NXPE2: variants seen among roughly 807,000 people sequenced by gnomAD.
The protein encoded by NXPE2 is NXPE family member 2.
A neutral mutation model predicts 34.4 loss-of-function variants in NXPE2; 34 were observed. That is an observed-to-expected ratio of 0.99 (90% confidence interval 0.75 to 1.31). The LOEUF is 1.31. Ranked by LOEUF, NXPE2 falls within the 40% of genes most tolerant of loss-of-function variation. The pLI, the probability that NXPE2 is intolerant of heterozygous loss-of-function variation, is 0.00. For missense variants in NXPE2, 649 were observed against 672.5 expected (o/e 0.97, Z 0.39); for synonymous variants, 235 against 231.3 (o/e 1.02, Z -0.15).
the NXPE2 span, among the ~76,000 whole-genome samples, chr11:114,748,722 A>G: frequency 6.6e-6 from 1 of 152,158 alleles, no homozygotes. Context: ...CACTTTGGTT[A>G]CTTGAATGAG....
chr11:114,500,360 AATG>A, the NXPE2 span, among the ~76,000 whole-genome samples: 3 of 152,084 alleles, frequency 2.0e-5, no homozygotes, highest in Non-Finnish European at 4.4e-5. Context: ...CTTGATGGAT[AATG>A]ATATTGAACA....
chr11:114,632,992 A>C, the NXPE2 span, among the ~76,000 whole-genome samples: 1 of 104,212 alleles, frequency 9.6e-6, no homozygotes, highest in South Asian at 2.6e-4. Flanking sequence ...ATTTTTATAT[A>C]ATATATAATA....
At chr11:114,630,032 A>C in the NXPE2 span, among the ~76,000 whole-genome samples, 2 of 151,436 alleles carry the variant, frequency 1.3e-5, no homozygotes, top group East Asian at 1.9e-4. Flanking sequence ...GGATACAAAC[A>C]AATGGAAGAA....
the NXPE2 span, among the ~76,000 whole-genome samples, chr11:114,539,472 A>G: frequency 7.9e-5 from 12 of 152,200 alleles, no homozygotes; most frequent in African/African-American, 2.9e-4. Context: ...CTCTGTCCTT[A>G]ATGGAGGTAT....
At chr11:114,610,422 G>T in the NXPE2 span, among the ~76,000 whole-genome samples, 1 of 151,958 alleles carries the variant, frequency 6.6e-6, no homozygotes, top group Non-Finnish European at 1.5e-5. Context: ...AATACCTATT[G>T]CCTCTCGGGT....
chr11:114,755,384 C>T, the NXPE2 span, among the ~76,000 whole-genome samples: 4 of 152,188 alleles, frequency 2.6e-5, no homozygotes, highest in Admixed American at 1.3e-4. Context: ...GCTGTAGATG[C>T]TATCCTGATT....
chr11:114,556,848 T>A, the NXPE2 span, among the ~76,000 whole-genome samples: 5 of 152,036 alleles, frequency 3.3e-5, no homozygotes, highest in African/African-American at 1.2e-4. Flanking sequence ...TATTTGGTTT[T>A]TATTTGTCCC....
the NXPE2 span, among the ~76,000 whole-genome samples, chr11:114,652,008 G>A: frequency 3.3e-5 from 5 of 152,312 alleles, no homozygotes; most frequent in African/African-American, 9.6e-5. Flanking sequence ...AGTGGAACTT[G>A]AAACTCAATT....
chr11:114,546,960 A>C, the NXPE2 span, among the ~76,000 whole-genome samples: 1 of 152,232 alleles, frequency 6.6e-6, no homozygotes, highest in African/African-American at 2.4e-5. Context: ...ACACTGATGT[A>C]AATGAATGAT....
chr11:114,696,340 C>CAAAAAAA (rs773266644), intron 2 of NXPE2, among the ~76,000 whole-genome samples: 82 of 64,464 alleles, frequency 1.3e-3, no homozygotes, highest in Non-Finnish European at 1.5e-3. Flanking sequence ...TCAAAAAAAC[C>CAAAAAAA]AAAAAAAAAA....
chr11:114,490,884 C>T, the NXPE2 span, among the ~76,000 whole-genome samples: 6 of 152,000 alleles, frequency 3.9e-5, no homozygotes, highest in Non-Finnish European at 5.9e-5. Flanking sequence ...TTTCTGCGGC[C>T]GGGCGCGGTG....
At chr11:114,744,648 A>G in the NXPE2 span, among the ~76,000 whole-genome samples, 1 of 152,094 alleles carries the variant, frequency 6.6e-6, no homozygotes, top group Admixed American at 6.6e-5. Context: ...AGGCTCTACA[A>G]AAAATACAAA....
chr11:114,586,046 C>T, the NXPE2 span, among the ~76,000 whole-genome samples: 1 of 152,142 alleles, frequency 6.6e-6, no homozygotes, highest in Non-Finnish European at 1.5e-5. Context: ...CACACCGAGT[C>T]CTAACCAGTT....
At chr11:114,607,327 C>T in the NXPE2 span, among the ~76,000 whole-genome samples, 1 of 130,598 alleles carries the variant, frequency 7.7e-6, no homozygotes. Context: ...ATTGTTAGCC[C>T]GTTGATACTA....
chr11:114,518,489 G>A, the NXPE2 span: 2 of 152,244 alleles, frequency 1.3e-5, no homozygotes, highest in African/African-American at 4.8e-5. Flanking sequence ...TTTACTGTAT[G>A]TAAGAGCACC....
the NXPE2 span, among the ~76,000 whole-genome samples, chr11:114,605,227 G>T: frequency 2.1e-5 from 3 of 146,250 alleles, no homozygotes; most frequent in African/African-American, 7.6e-5. Context: ...GTGGGTAACT[G>T]CTGTTACCCA....
chr11:114,650,960 G>A, the NXPE2 span, among the ~76,000 whole-genome samples: 2 of 152,034 alleles, frequency 1.3e-5, no homozygotes, highest in African/African-American at 4.8e-5. Context: ...CAGGAAGCAG[G>A]AACACTGAGG....
chr11:114,812,978 C>T, the NXPE2 span, among the ~76,000 whole-genome samples: 4 of 152,170 alleles, frequency 2.6e-5, no homozygotes, highest in African/African-American at 7.2e-5. Flanking sequence ...TGGCTGCACC[C>T]TGGGGAGAGA....
chr11:114,806,527 G>T, the NXPE2 span, among the ~76,000 whole-genome samples: 1 of 152,184 alleles, frequency 6.6e-6, no homozygotes, highest in African/African-American at 2.4e-5. Flanking sequence ...GAAAACCAAG[G>T]CACGAGAGCT....
Sources: gnomAD v4.1 joint callset for allele counts (sites outside exome capture counted in the v4.1 genomes callset) on GRCh38, gnomAD v4.1.1 for gene constraint, MANE v1.5 for transcripts, NCBI Gene and HGNC (gene_info 2026-07-23, HGNC 2026-07-21) for gene names.